The following SLC26A7 variants were observed in gnomAD, a reference collection of about 807,000 sequenced individuals.
SLC26A7 encodes the protein solute carrier family 26 member 7.
A neutral mutation model predicts 82.5 loss-of-function variants in SLC26A7; 59 were observed. The ratio of observed to expected loss-of-function variants is 0.72; its 90% confidence interval spans 0.58 to 0.89. The LOEUF (loss-of-function observed/expected upper bound fraction) is 0.89. Among genes scored for constraint, SLC26A7 ranks in the 40% least tolerant of loss-of-function variants. SLC26A7 has a pLI of 0.00. For synonymous variants in SLC26A7, 271 were observed against 274.3 expected (o/e 0.99, Z 0.12); for missense variants, 820 against 793.0 (o/e 1.03, Z -0.41).
At chr8:91,318,081 A>G in intron 4 of SLC26A7, 135 bp from the exon 5 acceptor site, 1 of 643,054 alleles carries the variant, frequency 1.6e-6, no homozygotes, top group East Asian at 2.9e-5. Context: ...TATATATACA[A>G]TGTAACAAAC....
intron 15 of SLC26A7, among the ~76,000 whole-genome samples, chr8:91,372,462 T>C (rs1197669217): frequency 6.6e-6 from 1 of 151,972 alleles, no homozygotes; most frequent in Non-Finnish European, 1.5e-5. Context: ...CTAGCCAGTT[T>C]TCCCAGCACC....
intron 9 of SLC26A7, among the ~76,000 whole-genome samples, chr8:91,345,084 G>A (rs191172318): frequency 3.2e-3 from 478 of 151,670 alleles, no homozygotes; most frequent in Non-Finnish European, 5.2e-3. Flanking sequence ...TGGAATAACA[G>A]GCGTGCACCA....
chr8:91,286,934 T>C (rs1423565230), intron 2 of SLC26A7, among the ~76,000 whole-genome samples: 2 of 152,192 alleles, frequency 1.3e-5, no homozygotes, highest in Non-Finnish European at 2.9e-5. Flanking sequence ...TTGGGCCTTG[T>C]AGTTCTTATT....
intron 4 of SLC26A7, among the ~76,000 whole-genome samples, chr8:91,308,477 C>A (rs1350552812): frequency 6.6e-6 from 1 of 152,116 alleles, no homozygotes; most frequent in Non-Finnish European, 1.5e-5. Flanking sequence ...ACATCATAAA[C>A]TATAACAACA....
chr8:91,363,605 C>A, intron 13 of SLC26A7, 67 bp downstream of exon 13: 1 of 922,230 alleles, frequency 1.1e-6, no homozygotes, highest in Non-Finnish European at 1.6e-6. Context: ...AATTTTAAGA[C>A]ATCACAAAAA....
chr8:91,318,470 T>C lies in SLC26A7; in HGVS notation c.642+90T>C, dbSNP rs899608443. 1.4e-5 allele frequency: 17 copies of C among 1,195,992 alleles called. No homozygotes were observed. The Middle Eastern group carries it at 8.4e-4, about 59-fold the overall frequency. The allele number at this position is 1,195,992 out of a possible 1,614,324, so 74.1% of individuals were successfully genotyped here. A position where few individuals can be genotyped will look rare whatever the true frequency, so the allele number is the denominator to read the frequency against. On this transcript the variant is annotated intron_variant, in intron 5 of 18. Coordinates refer to ENST00000276609, the MANE Select transcript of SLC26A7 (RefSeq NM_052832.4). ...ATTAATTATAGTACTGAGATTTTTC[T>C]GTATTAAAGCAACTTGGGTTTAAAT...
chr8:91,236,804 C>T (rs1279291740), intron 2 of SLC26A7, among the ~76,000 whole-genome samples: 2 of 152,096 alleles, frequency 1.3e-5, no homozygotes. Context: ...ACAAATAGTT[C>T]TGACATTATT....
intron 15 of SLC26A7, among the ~76,000 whole-genome samples, chr8:91,372,723 T>C (rs1252033582): frequency 6.6e-6 from 1 of 152,044 alleles, no homozygotes; most frequent in East Asian, 1.9e-4. Context: ...AGCTCTATTT[T>C]GGTTCCATAT....
chr8:91,397,943 A>C lies in SLC26A7; in HGVS notation c.*2846A>C, dbSNP rs1377815892. The C allele has an allele frequency of 6.6e-6, 1 of 152,488 alleles. No homozygotes were observed. Among genetic ancestry groups the C allele is most frequent in the Non-Finnish European group, 1.5e-5 (1 of 67,944 alleles). The allele number at this position is 152,488 out of a possible 1,614,324, so 9.4% of individuals were successfully genotyped here. ...GTATAGAATATGCTGTTTGGCAATG[A>C]GTTTGTGGCCAGATTTCAAATAGGG... On this transcript the variant is annotated 3_prime_UTR_variant, in exon 19 of 19. Transcript: ENST00000276609.
At chr8:91,352,781 C>A (rs926495748) in intron 10 of SLC26A7, 120 bp from the exon 11 acceptor site, 7 of 660,540 alleles carry the variant, frequency 1.1e-5, no homozygotes, top group Non-Finnish European at 1.3e-5. Flanking sequence ...GTCTTCTAAT[C>A]GGTGATTGCT....
In SLC26A7 at chr8:91,318,333, T is replaced by A; in HGVS notation, c.595T>A (p.Leu199Met). ...HVVTSQVKYL[L>M]GMKMPYISGP... ...GGTGACTTCACAAGTCAAATATCTC[T>A]TGGGAATGAAAATGCCATATATATC... Residue 199 changes from leucine to methionine, a missense_variant, in exon 5 of 19, where the codon TTG becomes ATG. Physicochemically the swap from Leu to Met is conservative, Grantham distance 15. Transcript: ENST00000276609. The A allele has an allele frequency of 6.2e-7, 1 of 1,612,228 alleles. No homozygotes were observed. The highest frequency in any genetic ancestry group is 1.1e-5 in the South Asian group (1 of 90,854).
Position 91,298,232 on chromosome 8 carries a change from C to CAAATACAA in SLC26A7, c.477+2529_477+2530insAAATACAA, listed in dbSNP as rs1812067334. On this transcript the variant is annotated intron_variant, in intron 4 of 18. Transcript: ENST00000276609. The stretch of plus-strand genomic sequence containing the variant: ...GTAACTGATAAGTAAGTTTCCCCCA[C>CAAATACAA]TAAAGTGTAGCTTGTATTTGTCTAA... Among the ~76,000 whole-genome samples the CAAATACAA allele has an allele frequency of 2.0e-5, 3 of 151,820 alleles. No individual in the cohort carries two copies. The South Asian group carries it at 6.2e-4, about 32-fold the overall frequency.
At chr8:91,381,493 C>T (rs960344839) in intron 15 of SLC26A7, among the ~76,000 whole-genome samples, 2 of 152,108 alleles carry the variant, frequency 1.3e-5, no homozygotes, top group Non-Finnish European at 2.9e-5. Context: ...TTATGTAATA[C>T]TAGAATAATA....
At position 91,336,064 on chromosome 8, in the gene SLC26A7, A is replaced by C. The variant is rs530968815; in HGVS notation, c.795+1617A>C. On this transcript the variant is annotated intron_variant, in intron 6 of 18. Transcript: ENST00000276609. ...AACTTTCTTGAGCCACCCTGGGAGG[A>C]TGGACTTCCAGAAGGTGCCCTGCAA... 2.0e-5 allele frequency among the ~76,000 whole-genome samples: 3 copies of C among 152,208 alleles called. No individual in the cohort carries two copies. The South Asian group carries it at 6.2e-4, about 32-fold the overall frequency.
rs896558714 is a variant in SLC26A7 at position 91,363,296 on chromosome 8, C to G, written c.1422-176C>G. ...TATGCCTCTGTTGTTAACCTCTATC[C>G]CCGAATATCCCAGAGATATATAGAT... On this transcript the variant is annotated intron_variant, in intron 12 of 18. Coordinates refer to ENST00000276609, the MANE Select transcript of SLC26A7 (RefSeq NM_052832.4). Among the ~76,000 whole-genome samples the G allele has an allele frequency of 7.2e-5, 11 of 151,862 alleles. No individual in the cohort carries two copies. In the South Asian group the frequency reaches 2.3e-3, roughly 31 times the overall value.
intron 15 of SLC26A7, among the ~76,000 whole-genome samples, chr8:91,380,898 A>AAAGCAGCAGGT (rs1396701692): frequency 6.6e-6 from 1 of 152,220 alleles, no homozygotes; most frequent in Non-Finnish European, 1.5e-5. Context: ...GTGTCCAACT[A>AAAGCAGCAGGT]AAGCAGCAGG....
At chr8:91,355,699 C>A (rs1023572206) in intron 11 of SLC26A7, among the ~76,000 whole-genome samples, 1 of 151,228 alleles carries the variant, frequency 6.6e-6, no homozygotes, top group Non-Finnish European at 1.5e-5. Context: ...TATTACATAT[C>A]CAAATCTATC....
At chr8:91,296,201 C>A (rs1406633826) in intron 4 of SLC26A7, among the ~76,000 whole-genome samples, 2 of 152,212 alleles carry the variant, frequency 1.3e-5, no homozygotes, top group East Asian at 1.9e-4. Flanking sequence ...GGACTCAGAT[C>A]TGTACCACCA....
At chr8:91,345,973 G>A (rs191942044) in intron 9 of SLC26A7, among the ~76,000 whole-genome samples, 68 of 152,222 alleles carry the variant, frequency 4.5e-4, no homozygotes, top group African/African-American at 1.5e-3. Flanking sequence ...TTGGGATAAA[G>A]CAGCGCCCCT....
Sources: gnomAD v4.1 joint callset for allele counts (sites outside exome capture counted in the v4.1 genomes callset) on GRCh38, gnomAD v4.1.1 for gene constraint, MANE v1.5 for transcripts, NCBI Gene and HGNC (gene_info 2026-07-23, HGNC 2026-07-21) for gene names.